Variants in TCERG1L observed in about 807,000 individuals in gnomAD.
TCERG1L encodes the protein transcription elongation regulator 1 like, also known as transcription elongation regulator 1-like protein.
In TCERG1L, 37 loss-of-function variants were observed where a neutral mutation model predicts 56.3. The observed-to-expected ratio is 0.66, with a 90% confidence interval of 0.51 to 0.87. The LOEUF is 0.87. Among genes scored for constraint, TCERG1L ranks in the 40% least tolerant of loss-of-function variants. TCERG1L has a pLI of 0.00. For synonymous variants in TCERG1L, 324 were observed against 326.3 expected (o/e 0.99, Z 0.08); for missense variants, 799 against 774.2 (o/e 1.03, Z -0.38).
intron 6 of TCERG1L, 87 bp from the exon 7 acceptor site, chr10:131,146,747 C>G: frequency 1.4e-6 from 2 of 1,421,376 alleles, no homozygotes; most frequent in African/African-American, 1.4e-5. Flanking sequence ...GAAAAAGCCC[C>G]TCAGGACCGA....
At chr10:131,297,648 G>A (rs1162363553) in intron 3 of TCERG1L, among the ~76,000 whole-genome samples, 2 of 152,086 alleles carry the variant, frequency 1.3e-5, no homozygotes, top group African/African-American at 2.4e-5. Context: ...TTTAATTTGT[G>A]TATTATTTCT....
At position 131,184,626 on chromosome 10, in the gene TCERG1L, T is replaced by C. The variant is rs558937735; in HGVS notation, c.857-17741A>G. 5.3e-5 allele frequency among the ~76,000 whole-genome samples: 8 copies of C among 152,352 alleles called. No homozygotes were observed. In the South Asian group the frequency reaches 1.7e-3, roughly 32 times the overall value. On this transcript the variant is annotated intron_variant, in intron 4 of 11. Coordinates refer to ENST00000368642, the MANE Select transcript of TCERG1L (RefSeq NM_174937.4). ...GTAGAAAATGCGTCTCCAGCAGCTC[T>C]GCGTGTACACATCGGTCACGATGGA...
At chr10:131,181,172 C>G (rs1845171513) in intron 4 of TCERG1L, among the ~76,000 whole-genome samples, 1 of 152,152 alleles carries the variant, frequency 6.6e-6, no homozygotes, top group Non-Finnish European at 1.5e-5. Flanking sequence ...GAGCTGGGAC[C>G]TCCCCACAGT....
At chr10:131,227,135 T>C (rs1426191071) in intron 4 of TCERG1L, among the ~76,000 whole-genome samples, 1 of 152,202 alleles carries the variant, frequency 6.6e-6, no homozygotes, top group Non-Finnish European at 1.5e-5. Context: ...TAATGTCCCA[T>C]AGGGCATGGC....
intron 4 of TCERG1L, among the ~76,000 whole-genome samples, chr10:131,211,783 C>T (rs191632535): frequency 1.3e-3 from 205 of 152,260 alleles, no homozygotes; most frequent in Non-Finnish European, 2.4e-3. Flanking sequence ...CCAGGCCTGC[C>T]GGGCCACTTG....
At chr10:131,155,704 A>G (rs1564803354) in intron 6 of TCERG1L, among the ~76,000 whole-genome samples, 3 of 152,124 alleles carry the variant, frequency 2.0e-5, no homozygotes, top group Non-Finnish European at 4.4e-5. Context: ...CACGTCCGGG[A>G]GCTGGTGGCT....
chr10:131,286,463 C>A (rs1360957562), intron 3 of TCERG1L, among the ~76,000 whole-genome samples: 2 of 152,130 alleles, frequency 1.3e-5, no homozygotes, highest in African/African-American at 2.4e-5. Flanking sequence ...CGCATACTAG[C>A]CTTATTTGTA....
chr10:131,125,042 AAACTGACTT>A (rs1166068013), intron 8 of TCERG1L, among the ~76,000 whole-genome samples: 1 of 152,232 alleles, frequency 6.6e-6, no homozygotes, highest in East Asian at 1.9e-4. Context: ...CCAGGTGGAA[AAACTGACTT>A]AATGCATTTA....
rs542456838 is a variant in TCERG1L, at chr10:131,144,424, G to A, written c.1189+2082C>T. Among the ~76,000 whole-genome samples, 170 of 152,242 alleles carry A rather than the reference G, an allele frequency of 1.1e-3. 2 individuals carry two copies. The highest frequency in any genetic ancestry group is 1.7e-3 in the Non-Finnish European group (115 of 68,020). ...GTCATCAGCTCTGCTCCCCGATCAC[G>A]AATTAACCCTCTAGAAACACCTCCT... On this transcript the variant is annotated intron_variant, in intron 7 of 11. Coordinates refer to ENST00000368642, the MANE Select transcript of TCERG1L (RefSeq NM_174937.4).
intron 4 of TCERG1L, among the ~76,000 whole-genome samples, chr10:131,179,208 A>G (rs1845143898): frequency 6.6e-6 from 1 of 152,362 alleles, no homozygotes; most frequent in Non-Finnish European, 1.5e-5. Flanking sequence ...CGGCTGAGGC[A>G]GAGCAGCGGG....
intron 9 of TCERG1L, among the ~76,000 whole-genome samples, chr10:131,106,131 A>T (rs1192068004): frequency 1.3e-5 from 2 of 152,256 alleles, no homozygotes. Flanking sequence ...CAGCTGACAA[A>T]GCAAGGGAAT....
intron 8 of TCERG1L, among the ~76,000 whole-genome samples, chr10:131,129,567 T>C (rs1845596995): frequency 6.6e-6 from 1 of 152,210 alleles, no homozygotes; most frequent in Non-Finnish European, 1.5e-5. Context: ...TTGGGTATGT[T>C]TGTTTTTTCA....
rs1292389885 is a variant in TCERG1L, at chr10:131,208,576, C to T, written c.857-41691G>A. 3.3e-5 allele frequency among the ~76,000 whole-genome samples: 5 copies of T among 152,330 alleles called. No individual in the cohort carries two copies. The East Asian group carries it at 9.6e-4, about 29-fold the overall frequency. ...TCAGAGGTCATGTGCTAATGCTCCA[C>T]AATCTGTCCCCTGCCCCACCGTTTC... On this transcript the variant is annotated intron_variant, in intron 4 of 11. Transcript: ENST00000368642.
chr10:131,246,760 T>A (rs1027224501), intron 4 of TCERG1L, among the ~76,000 whole-genome samples: 2 of 152,164 alleles, frequency 1.3e-5, no homozygotes, highest in Admixed American at 6.5e-5. Context: ...CCTTCCAGCC[T>A]TGAGGCTGGG....
chr10:131,289,466 GGT>G (rs373770887), intron 3 of TCERG1L, among the ~76,000 whole-genome samples: 13 of 150,216 alleles, frequency 8.7e-5, no homozygotes, highest in Non-Finnish European at 1.2e-4. Context: ...ATCTCTTATC[GGT>G]GTGTGTGTGA....
At chr10:131,304,898 T>C (rs1327395850) in intron 3 of TCERG1L, among the ~76,000 whole-genome samples, 2 of 152,040 alleles carry the variant, frequency 1.3e-5, no homozygotes, top group Non-Finnish European at 2.9e-5. Flanking sequence ...ACAGGTCTCA[T>C]GTGATGGGAC....
chr10:131,289,225 T>G (rs1023388870), intron 3 of TCERG1L, among the ~76,000 whole-genome samples: 1 of 152,098 alleles, frequency 6.6e-6, no homozygotes, highest in Admixed American at 6.5e-5. Flanking sequence ...GTTATCTTCA[T>G]TTCGTGAGCG....
chr10:131,234,660 A>T (rs990941975), intron 4 of TCERG1L, among the ~76,000 whole-genome samples: 3 of 152,180 alleles, frequency 2.0e-5, no homozygotes, highest in Non-Finnish European at 4.4e-5. Flanking sequence ...TGTGTGGTTC[A>T]CTAAGCTGAG....
chr10:131,226,813 C>T (rs960484539), intron 4 of TCERG1L, among the ~76,000 whole-genome samples: 5 of 152,242 alleles, frequency 3.3e-5, no homozygotes, highest in Admixed American at 6.5e-5. Context: ...TGGGGGCAGA[C>T]GGACAGATAA....
Sources: allele counts gnomAD v4.1 joint callset (sites outside exome capture counted in the v4.1 genomes callset), GRCh38; gene constraint gnomAD v4.1.1; transcripts MANE v1.5; gene names NCBI Gene and HGNC (gene_info 2026-07-23, HGNC 2026-07-21).